ENTREP2: variants seen among roughly 807,000 people sequenced by gnomAD.
ENTREP2 encodes protein ENTREP2.
the ENTREP2 span, chr15:29,374,246 G>A: frequency 2.0e-5 from 3 of 151,778 alleles, no homozygotes; most frequent in South Asian, 2.1e-4. Context: ...GTTTCGTTTC[G>A]GTCCCATCTA....
chr15:29,352,143 C>T, the ENTREP2 span, among the ~76,000 whole-genome samples: 5 of 151,688 alleles, frequency 3.3e-5, no homozygotes, highest in South Asian at 2.1e-4. Context: ...CTATGTTGCT[C>T]GGGCTGGACT....
the ENTREP2 span, among the ~76,000 whole-genome samples, chr15:29,135,571 G>A: frequency 6.6e-6 from 1 of 152,162 alleles, no homozygotes; most frequent in East Asian, 1.9e-4. This position sits in a 1 kb window ranked among gnomAD's most constrained non-coding sequence, Gnocchi z 7.4. Flanking sequence ...CTGACTTGCT[G>A]AATTCAGAAC....
chr15:29,581,810 G>C, the ENTREP2 span, among the ~76,000 whole-genome samples: 1 of 151,956 alleles, frequency 6.6e-6, no homozygotes, highest in Non-Finnish European at 1.5e-5. Flanking sequence ...AATTAAGTGG[G>C]AGTAATTACT....
the ENTREP2 span, among the ~76,000 whole-genome samples, chr15:29,237,274 A>AT: frequency 6.6e-6 from 1 of 152,086 alleles, no homozygotes; most frequent in East Asian, 1.9e-4. Context: ...GCTCACTAAT[A>AT]TTTTCTCCCT....
the ENTREP2 span, among the ~76,000 whole-genome samples, chr15:29,344,931 GAC>G: frequency 0.13 from 18,422 of 142,268 alleles, 1,253 homozygotes; most frequent in African/African-American, 0.19. Flanking sequence ...CACGCGCGCA[GAC>G]ACACACACAC....
At chr15:29,511,849 G>A in the ENTREP2 span, among the ~76,000 whole-genome samples, 1 of 148,082 alleles carries the variant, frequency 6.8e-6, no homozygotes, top group Non-Finnish European at 1.5e-5. Context: ...CACCACAAGA[G>A]AAAATGTATG....
At chr15:29,670,429 T>C in the ENTREP2 span, among the ~76,000 whole-genome samples, 9 of 152,170 alleles carry the variant, frequency 5.9e-5, no homozygotes, top group African/African-American at 2.2e-4. Context: ...AGTCACAAGA[T>C]GTTTCAGGCC....
the ENTREP2 span, among the ~76,000 whole-genome samples, chr15:29,572,673 T>A: frequency 1.3e-5 from 2 of 152,188 alleles, no homozygotes; most frequent in African/African-American, 4.8e-5. Context: ...ATTGACATTG[T>A]ATACTATTCA....
At chr15:29,203,830 T>C in the ENTREP2 span, among the ~76,000 whole-genome samples, 1 of 152,138 alleles carries the variant, frequency 6.6e-6, no homozygotes, top group Non-Finnish European at 1.5e-5. Flanking sequence ...TCAAAAACAT[T>C]CAAGGAATTA....
the ENTREP2 span, among the ~76,000 whole-genome samples, chr15:29,480,751 A>G: frequency 2.7e-3 from 404 of 152,224 alleles, no homozygotes; most frequent in Non-Finnish European, 4.7e-3. Flanking sequence ...AGAGGCATTG[A>G]ACATCCCATT....
chr15:29,535,301 G>A, the ENTREP2 span, among the ~76,000 whole-genome samples: 3 of 151,962 alleles, frequency 2.0e-5, no homozygotes. Flanking sequence ...GAACCTGAGA[G>A]TGTCCCTTAT....
the ENTREP2 span, among the ~76,000 whole-genome samples, chr15:29,292,668 A>G: frequency 2.6e-5 from 4 of 152,222 alleles, no homozygotes; most frequent in Non-Finnish European, 5.9e-5. Context: ...AGCATGAGCC[A>G]CTGCGCCCAG....
the ENTREP2 span, among the ~76,000 whole-genome samples, chr15:29,379,599 G>A: frequency 6.6e-6 from 1 of 152,118 alleles, no homozygotes; most frequent in Non-Finnish European, 1.5e-5. Flanking sequence ...TGTAGGTCCA[G>A]CTGCTGCTAC....
chr15:29,203,896 T>C, the ENTREP2 span, among the ~76,000 whole-genome samples: 1 of 152,152 alleles, frequency 6.6e-6, no homozygotes, highest in African/African-American at 2.4e-5. Context: ...CTATCATAAA[T>C]GGCAAGACAT....
chr15:29,482,047 G>C, the ENTREP2 span, among the ~76,000 whole-genome samples: 1 of 151,852 alleles, frequency 6.6e-6, no homozygotes, highest in African/African-American at 2.4e-5. Context: ...GCCCAGGCTG[G>C]AGTACAGTGG....
the ENTREP2 span, among the ~76,000 whole-genome samples, chr15:29,644,585 C>T: frequency 6.6e-6 from 1 of 151,814 alleles, no homozygotes; most frequent in South Asian, 2.1e-4. Context: ...GGTGGATTGC[C>T]TGAGCTCAGG....
chr15:29,238,049 G>C, the ENTREP2 span, among the ~76,000 whole-genome samples: 2 of 152,154 alleles, frequency 1.3e-5, no homozygotes, highest in Non-Finnish European at 2.9e-5. Context: ...GATACATGCT[G>C]CAATATGTAT....
chr15:29,131,422 C>A, the ENTREP2 span, among the ~76,000 whole-genome samples: 2 of 151,524 alleles, frequency 1.3e-5, no homozygotes, highest in Non-Finnish European at 2.9e-5. Context: ...CACTGGGTCG[C>A]ACCCAAGACG....
the ENTREP2 span, among the ~76,000 whole-genome samples, chr15:29,535,118 G>C: frequency 1.4e-4 from 21 of 151,974 alleles, 1 homozygote; most frequent in East Asian, 4.1e-3. Flanking sequence ...GGCATGGTGG[G>C]GCAAGCCTGT....
Sources: allele counts gnomAD v4.1 joint callset (sites outside exome capture counted in the v4.1 genomes callset), GRCh38; gene constraint gnomAD v4.1.1; non-coding constraint Gnocchi (gnomAD v3.1); transcripts MANE v1.5; gene names NCBI Gene and HGNC (gene_info 2026-07-23, HGNC 2026-07-21).